PCDH17: variants seen among roughly 807,000 people sequenced by gnomAD.
PCDH17 encodes protocadherin 17.
In PCDH17, 21 loss-of-function variants were observed where a neutral mutation model predicts 67.7. That is an observed-to-expected ratio of 0.31 (90% CI 0.22 to 0.45). The LOEUF is 0.45. Among genes scored for constraint, PCDH17 ranks in the 20% least tolerant of loss-of-function variants. The pLI, the probability that PCDH17 is intolerant of heterozygous loss-of-function variation, is 1.00. For synonymous variants in PCDH17, 701 were observed against 656.7 expected (o/e 1.07, Z -1.03); for missense variants, 1,471 against 1,564.8 (o/e 0.94, Z 1.01).
At chr13:57,674,624 C>T (rs1392327542) in intron 3 of PCDH17, among the ~76,000 whole-genome samples, 15 of 151,918 alleles carry the variant, frequency 9.9e-5, no homozygotes, top group Non-Finnish European at 1.0e-4. Flanking sequence ...ACTGTGCCCA[C>T]CTTTTTTATT....
intron 1 of PCDH17, among the ~76,000 whole-genome samples, chr13:57,656,047 A>G (rs1233145894): frequency 6.6e-6 from 1 of 152,060 alleles, no homozygotes; most frequent in Non-Finnish European, 1.5e-5. Flanking sequence ...GGACAAATCT[A>G]TGAAAGTCAC....
intron 1 of PCDH17, among the ~76,000 whole-genome samples, chr13:57,665,333 A>G (rs1418015594): frequency 6.6e-6 from 1 of 151,898 alleles, no homozygotes; most frequent in African/African-American, 2.4e-5. Flanking sequence ...TTCTTTTTTC[A>G]GTAATCGCTC....
chr13:57,672,366 C>T (rs1955333217), intron 3 of PCDH17, among the ~76,000 whole-genome samples: 1 of 151,956 alleles, frequency 6.6e-6, no homozygotes, highest in Admixed American at 6.6e-5. Flanking sequence ...TGTAATTTCG[C>T]AGTTGCCTAG....
At chr13:57,704,862 T>C (rs1283092712) in intron 3 of PCDH17, among the ~76,000 whole-genome samples, 1 of 152,106 alleles carries the variant, frequency 6.6e-6, no homozygotes, top group Non-Finnish European at 1.5e-5. Context: ...GATTGATTTG[T>C]AGGATCTGCA....
At chr13:57,713,241 C>T (rs1169102227) in intron 3 of PCDH17, among the ~76,000 whole-genome samples, 1 of 151,604 alleles carries the variant, frequency 6.6e-6, no homozygotes, top group Non-Finnish European at 1.5e-5. Flanking sequence ...CTTGTCATTG[C>T]CAATAAAACC....
At chr13:57,647,385 G>T (rs996081185) in intron 1 of PCDH17, among the ~76,000 whole-genome samples, 1 of 151,652 alleles carries the variant, frequency 6.6e-6, no homozygotes, top group Non-Finnish European at 1.5e-5. Context: ...TCTCTTTTCT[G>T]TGACATCCCA....
chr13:57,697,035 A>G (rs1236335793), intron 3 of PCDH17, among the ~76,000 whole-genome samples: 1 of 151,604 alleles, frequency 6.6e-6, no homozygotes, highest in African/African-American at 2.4e-5. Context: ...AAATACTTGC[A>G]TCAAGTGGGA....
In PCDH17 at chr13:57,632,689, T is replaced by G; in HGVS notation, c.143T>G (p.Leu48Arg). 6.2e-7 allele frequency: 1 copy of G among 1,611,646 alleles called. No homozygotes were observed. The highest frequency in any genetic ancestry group is 8.5e-7 in the Non-Finnish European group (1 of 1,179,902). Residue 48 changes from leucine to arginine, a missense_variant, in exon 1 of 4, where the codon CTT becomes CGT. By Grantham distance (102) the Leu-to-Arg change is moderately radical (BLOSUM62 -2). Transcript: ENST00000377918. ...IGRDARLQPG[L>R]PPAERGGGGR... The stretch of plus-strand genomic sequence containing the variant: ...AGGGATGCTCGACTGCAGCCTGGGC[T>G]TCCGCCTGCAGAGCGCGGCGGCGGA...
At chr13:57,691,449 A>G (rs1010528446) in intron 3 of PCDH17, among the ~76,000 whole-genome samples, 1 of 151,218 alleles carries the variant, frequency 6.6e-6, no homozygotes. Flanking sequence ...TGGGATAAAA[A>G]CTAATCATGG....
In PCDH17 at chr13:57,666,509, G is replaced by C; in HGVS notation, c.2607G>C (p.Arg869Ser). The change falls in exon 2 of 4, where the codon AGG (arginine) becomes AGC (serine). Residue 869 changes from arginine to serine, a missense_variant. This residue lies in a region of PCDH17 where 1,163 missense variants were observed against 1,230.0 expected (regional missense o/e 0.95). Transcript: ENST00000377918. The part of the protein sequence containing the change: ...FPAEPNYMGS[R>S]QQFVQSSSTF... ...CAGAGCCCAATTACATGGGCAGCAGGCAGCAGTTTGTTCAAAGGTAAGGCC... is the reference window on the plus strand; with the variant it reads ...CAGAGCCCAATTACATGGGCAGCAGCCAGCAGTTTGTTCAAAGGTAAGGCC... The C allele has an allele frequency of 6.2e-7, 1 of 1,613,872 alleles. No individual in the cohort carries two copies. The highest frequency in any genetic ancestry group is 8.5e-7 in the Non-Finnish European group (1 of 1,179,858).
intron 3 of PCDH17, among the ~76,000 whole-genome samples, chr13:57,703,423 G>C (rs959432165): frequency 1.3e-5 from 2 of 152,122 alleles, no homozygotes; most frequent in Admixed American, 1.3e-4. Flanking sequence ...GTGTATAGTG[G>C]AGGAAAGATA....
intron 3 of PCDH17, among the ~76,000 whole-genome samples, chr13:57,674,784 A>G (rs947818242): frequency 2.0e-5 from 3 of 151,982 alleles, no homozygotes; most frequent in African/African-American, 7.2e-5. Context: ...GGTCTAAAAC[A>G]TTCCCCAGAA....
At chr13:57,664,284 A>G (rs914076073) in intron 1 of PCDH17, among the ~76,000 whole-genome samples, 5 of 152,100 alleles carry the variant, frequency 3.3e-5, no homozygotes, top group African/African-American at 1.2e-4. Context: ...TATCTTCATC[A>G]GACCAATATT....
intron 1 of PCDH17, among the ~76,000 whole-genome samples, chr13:57,641,005 G>A (rs1954885507): frequency 6.6e-6 from 1 of 151,786 alleles, no homozygotes; most frequent in Non-Finnish European, 1.5e-5. Flanking sequence ...AAGCCATTAG[G>A]GAGGGATTTT....
chr13:57,659,312 T>C (rs1451798093), intron 1 of PCDH17, among the ~76,000 whole-genome samples: 1 of 152,096 alleles, frequency 6.6e-6, no homozygotes, highest in Non-Finnish European at 1.5e-5. Context: ...AAGACTAGTG[T>C]TCTGATTTTT....
intron 3 of PCDH17, among the ~76,000 whole-genome samples, chr13:57,682,306 C>G (rs933326430): frequency 6.6e-6 from 1 of 151,722 alleles, no homozygotes; most frequent in Non-Finnish European, 1.5e-5. Flanking sequence ...AGTTCACTCA[C>G]CCCCAGTGTA....
At position 57,634,120 on chromosome 13, in the gene PCDH17, T is replaced by G; in HGVS notation, c.1574T>G (p.Val525Gly). 6.2e-7 allele frequency: 1 copy of G among 1,613,632 alleles called. No individual in the cohort carries two copies. The highest frequency in any genetic ancestry group is 8.5e-7 in the Non-Finnish European group (1 of 1,180,022). Residue 525 changes from valine to glycine, a missense_variant, in exon 1 of 4, where the codon GTG becomes GGG. Physicochemically the swap from Val to Gly is moderately radical, Grantham distance 109. Around this residue, in one of 3 missense-constraint regions of PCDH17, gnomAD observed 1,163 missense variants for 1,230.0 expected, o/e 0.95. Coordinates refer to ENST00000377918, the MANE Select transcript of PCDH17 (RefSeq NM_001040429.3). The surrounding 1 kb of genome is among the most constrained non-coding windows in gnomAD (Gnocchi z 7.8). Reference sequence around the variant, plus strand: ...GGCGACGTGTCTATCTACACCTATGTGTCTGTGAATCCCACGAACGGGGCC... The same window carrying G: ...GGCGACGTGTCTATCTACACCTATGGGTCTGTGAATCCCACGAACGGGGCC... Reference protein sequence around the residue: ...HIGDVSIYTYVSVNPTNGAIY... With the variant: ...HIGDVSIYTYGSVNPTNGAIY...
rs771241451 is a variant in PCDH17 at position 57,724,758 on chromosome 13, G to A, written c.2944G>A (p.Val982Ile). The change falls in exon 4 of 4, where the codon GTT (valine) becomes ATT (isoleucine). Residue 982 changes from valine (V) to isoleucine (I), a missense_variant. This residue lies in a region of PCDH17 where 297 missense variants were observed against 298.6 expected (regional missense o/e 0.99). Coordinates refer to ENST00000377918, the MANE Select transcript of PCDH17 (RefSeq NM_001040429.3). ...NLFVPTVEAN[V>I]ETETYETVNP... ...CTTTGTACCTACAGTTGAAGCTAAT[G>A]TTGAGACTGAGACTTACGAAACTGT... The A allele has an allele frequency of 1.2e-5, 20 of 1,614,048 alleles. No homozygotes were observed. The highest frequency in any genetic ancestry group is 1.6e-5 in the Non-Finnish European group (19 of 1,180,036).
intron 1 of PCDH17, among the ~76,000 whole-genome samples, chr13:57,664,595 T>A (rs987329796): frequency 6.6e-6 from 1 of 152,174 alleles, no homozygotes; most frequent in Non-Finnish European, 1.5e-5. Flanking sequence ...AGACTACTTA[T>A]AATAGTGCTT....
Sources: allele counts gnomAD v4.1 joint callset (sites outside exome capture counted in the v4.1 genomes callset), GRCh38; gene constraint gnomAD v4.1.1; regional missense constraint gnomAD v4.1.1; non-coding constraint Gnocchi (gnomAD v3.1); transcripts MANE v1.5; gene names NCBI Gene and HGNC (gene_info 2026-07-23, HGNC 2026-07-21).